CCDC30: variants seen among roughly 807,000 people sequenced by gnomAD.
CCDC30 encodes the protein coiled-coil domain-containing protein 30.
In CCDC30, 70 loss-of-function variants were observed where a neutral mutation model predicts 100.2. That is an observed-to-expected ratio of 0.70 (90% CI 0.58 to 0.85). The LOEUF is 0.85. CCDC30 is among the 40% of genes least tolerant of loss of function. The pLI, the probability that CCDC30 is intolerant of heterozygous loss-of-function variation, is 0.00. For synonymous variants in CCDC30, 233 were observed against 269.5 expected, an observed-to-expected ratio of 0.86 and a Z score of 1.33; for missense variants, 652 against 771.2, an observed-to-expected ratio of 0.85 and a Z score of 1.83.
chr1:42,633,302 A>C (rs1286944505), intron 11 of CCDC30, among the ~76,000 whole-genome samples: 6 of 152,196 alleles, frequency 3.9e-5, no homozygotes, highest in Admixed American at 1.3e-4. Context: ...CATGCTTCAC[A>C]TAGCTCAGAC....
At chr1:42,649,351 C>T (rs1296280490) in intron 15 of CCDC30, among the ~76,000 whole-genome samples, 1 of 152,108 alleles carries the variant, frequency 6.6e-6, no homozygotes, top group Non-Finnish European at 1.5e-5. Context: ...GGACAAAAAC[C>T]ATATGATCAT....
intron 11 of CCDC30, among the ~76,000 whole-genome samples, chr1:42,617,491 A>G (rs1646748151): frequency 6.6e-6 from 1 of 152,216 alleles, no homozygotes; most frequent in African/African-American, 2.4e-5. Flanking sequence ...ATTGCAAGAC[A>G]GAAAAAGATT....
chr1:42,638,852 G>T (rs1012504061), intron 12 of CCDC30, among the ~76,000 whole-genome samples: 2 of 151,924 alleles, frequency 1.3e-5, no homozygotes, highest in Non-Finnish European at 2.9e-5. Context: ...CTCTAGCCTG[G>T]GGGACAAGAG....
chr1:42,568,355 T>G (rs1645652142), intron 7 of CCDC30, among the ~76,000 whole-genome samples: 1 of 152,146 alleles, frequency 6.6e-6, no homozygotes, highest in South Asian at 2.1e-4. Context: ...CCTCAGGTGA[T>G]CCTTCCGGCT....
At chr1:42,521,008 C>T (rs1434793071) in intron 6 of CCDC30, among the ~76,000 whole-genome samples, 1 of 144,438 alleles carries the variant, frequency 6.9e-6, no homozygotes, top group Non-Finnish European at 1.5e-5. Context: ...GAGTCTCGCT[C>T]TTTTGCCCAG....
chr1:42,466,586 C>T (rs1643591505), intron 1 of CCDC30, among the ~76,000 whole-genome samples: 1 of 150,612 alleles, frequency 6.6e-6, no homozygotes, highest in Non-Finnish European at 1.5e-5. Context: ...GAGCCTTGCT[C>T]TGTCGCCCAG....
intron 6 of CCDC30, among the ~76,000 whole-genome samples, chr1:42,532,318 G>T (rs900985739): frequency 5.9e-5 from 9 of 151,998 alleles, no homozygotes; most frequent in African/African-American, 2.2e-4. Context: ...AAGGGGAGAT[G>T]GGAGTCCTGT....
At chr1:42,578,119 T>C in intron 8 of CCDC30, among the ~76,000 whole-genome samples, 1 of 152,170 alleles carries the variant, frequency 6.6e-6, no homozygotes, top group East Asian at 1.9e-4. Context: ...TATGTAACAG[T>C]TGTACATTTT....
At chr1:42,527,290 G>A (rs1248563632) in intron 6 of CCDC30, among the ~76,000 whole-genome samples, 3 of 152,176 alleles carry the variant, frequency 2.0e-5, no homozygotes, top group South Asian at 4.1e-4. Context: ...GACCACAGGG[G>A]TATTTGTAAC....
intron 6 of CCDC30, among the ~76,000 whole-genome samples, chr1:42,514,088 G>A (rs983304882): frequency 2.6e-5 from 4 of 152,136 alleles, no homozygotes; most frequent in Admixed American, 6.5e-5. Flanking sequence ...ATGAGATTTG[G>A]TGAGGACAAA....
intron 6 of CCDC30, chr1:42,536,846 C>T: frequency 2.2e-6 from 1 of 447,160 alleles, no homozygotes; most frequent in South Asian, 2.8e-5. Flanking sequence ...TTGCAGATGG[C>T]CACCTTCTTG....
chr1:42,463,067 C>A (rs1643454309), upstream of CCDC30, among the ~76,000 whole-genome samples: 1 of 152,232 alleles, frequency 6.6e-6, no homozygotes, highest in Admixed American at 6.5e-5. Flanking sequence ...AAGTCGCAAA[C>A]GCTCGACATG....
At chr1:42,632,080 T>C (rs77519866) in intron 11 of CCDC30, among the ~76,000 whole-genome samples, 23,907 of 152,108 alleles carry the variant, frequency 0.16, 2,105 homozygotes, top group South Asian at 0.31. Flanking sequence ...TGGGAATGTC[T>C]TGTCACCTGA....
At chr1:42,626,876 CCA>C (rs1435942299) in intron 11 of CCDC30, among the ~76,000 whole-genome samples, 12 of 152,218 alleles carry the variant, frequency 7.9e-5, no homozygotes, top group African/African-American at 2.2e-4. Context: ...CTTTTTATTC[CCA>C]GTTTCAGGTA....
chr1:42,536,936 G>A lies in CCDC30; in HGVS notation c.457-29360G>A, dbSNP rs537245484. The A allele has an allele frequency of 8.4e-6, 3 of 358,138 alleles. No homozygotes were observed. The Admixed American group carries it at 1.3e-4, about 15-fold the overall frequency. The allele number at this position is 358,138 out of a possible 1,614,324, so 22.2% of individuals were successfully genotyped here. A position where few individuals can be genotyped will look rare whatever the true frequency, so the allele number is the denominator to read the frequency against. On this transcript the variant is annotated intron_variant, in intron 6 of 16. Coordinates refer to ENST00000668663, the Ensembl canonical transcript of CCDC30. ...AAAGGCACTAACCCTATTGGATTAA[G>A]GCCCCACCCTTATATCCTCATTTGA...
At chr1:42,543,275 C>CT (rs10637500) in intron 6 of CCDC30, among the ~76,000 whole-genome samples, 1,796 of 143,510 alleles carry the variant, frequency 0.013, 28 homozygotes, top group African/African-American at 0.04. Context: ...AACTGGCCTT[C>CT]TTTTTTTTTT....
intron 11 of CCDC30, among the ~76,000 whole-genome samples, chr1:42,613,727 G>A (rs1261932940): frequency 4.6e-5 from 7 of 152,146 alleles, no homozygotes; most frequent in African/African-American, 1.7e-4. Flanking sequence ...ATATAATGGG[G>A]AGTGAGGACG....
rs769531108 is a variant in CCDC30, at chr1:42,589,439, G to C, written c.1120G>C (p.Ala374Pro). ...ACAATCCAGAATTCAGCAACAAGAG[G>C]CCCTACTTAAACAACTGGAAAATGA... Residue 374 changes from alanine (A) to proline (P), a missense_variant, in exon 10 of 17, where the codon GCC becomes CCC. Coordinates refer to ENST00000668663, the Ensembl canonical transcript of CCDC30. 1.6e-5 allele frequency: 26 copies of C among 1,613,772 alleles called. No homozygotes were observed. The highest frequency in any genetic ancestry group is 2.0e-5 in the Non-Finnish European group (24 of 1,179,892).
At position 42,511,424 on chromosome 1, in the gene CCDC30, C is replaced by T. The variant is rs149298411; in HGVS notation, c.456+12508C>T. 5.2e-3 allele frequency among the ~76,000 whole-genome samples: 791 copies of T among 152,244 alleles called. 8 individuals are homozygous for T. Among genetic ancestry groups the T allele is most frequent in the African/African-American group, 0.018 (764 of 41,534 alleles). On this transcript the variant is annotated intron_variant, in intron 6 of 16. Coordinates refer to ENST00000668663, the Ensembl canonical transcript of CCDC30. The stretch of plus-strand genomic sequence containing the variant: ...GAACTCTATATCCTACTATCATGGC[C>T]CATGCTAAAGCGTTTCCCCTTAGAG...
Sources: allele counts gnomAD v4.1 joint callset (sites outside exome capture counted in the v4.1 genomes callset), GRCh38; gene constraint gnomAD v4.1.1; transcripts MANE v1.5; gene names NCBI Gene and HGNC (gene_info 2026-07-23, HGNC 2026-07-21).